CAPN8: variants seen among roughly 807,000 people sequenced by gnomAD.
The protein encoded by CAPN8 is calpain 8, also known as calpain-8.
A neutral mutation model predicts 80.9 loss-of-function variants in CAPN8; 87 were observed. That is an observed-to-expected ratio of 1.07 (90% CI 0.90 to 1.28). CAPN8 has a LOEUF of 1.28. Among genes scored for constraint, CAPN8 ranks in the 50% most tolerant of loss-of-function variants. The pLI, the probability that CAPN8 is intolerant of heterozygous loss-of-function variation, is 0.00. For missense variants in CAPN8, 757 were observed against 702.0 expected (o/e 1.08, Z -0.89); for synonymous variants, 299 against 273.8 (o/e 1.09, Z -0.91).
At chr1:223,548,857 G>A (rs540287670) in intron 16 of CAPN8, among the ~76,000 whole-genome samples, 7 of 149,516 alleles carry the variant, frequency 4.7e-5, no homozygotes, top group Non-Finnish European at 1.0e-4. Context: ...ACTATCAGTA[G>A]TAGCTGTCCA....
intron 2 of CAPN8, among the ~76,000 whole-genome samples, chr1:223,632,282 A>G (rs1258053996): frequency 6.6e-6 from 1 of 152,248 alleles, no homozygotes; most frequent in East Asian, 1.9e-4. Context: ...AGTCCTCTGG[A>G]AGATGGACAT....
chr1:223,620,750 T>C (rs1657362808), intron 7 of CAPN8, among the ~76,000 whole-genome samples: 1 of 152,126 alleles, frequency 6.6e-6, no homozygotes, highest in South Asian at 2.1e-4. Context: ...CATGGTTCAC[T>C]TCCTTACACC....
chr1:223,618,253 T>C (rs188467765), intron 9 of CAPN8: 36 of 1,550,628 alleles, frequency 2.3e-5, no homozygotes, highest in Non-Finnish European at 3.0e-5. Context: ...CATCAGGTGC[T>C]GCCTCAGCTG....
In CAPN8 at chr1:223,618,400, T is replaced by G. The variant is rs191460181; in HGVS notation, c.1135+893A>C. 5.6e-3 allele frequency: 7,609 copies of G among 1,369,390 alleles called. 42 individuals carry two copies. Among genetic ancestry groups the G allele is most frequent in the Non-Finnish European group, 6.5e-3 (6,422 of 991,318 alleles). 84.8% of individuals were successfully genotyped at this position (1,369,390 alleles called of 1,614,324 possible). The stretch of plus-strand genomic sequence containing the variant: ...TTGCACCATACTATCTCCACCAGGG[T>G]CTGAGTCCCCATGACACGCATGCCC... On this transcript the variant is annotated intron_variant, in intron 9 of 20. Coordinates refer to ENST00000366872, the MANE Select transcript of CAPN8 (RefSeq NM_001143962.2).
Position 223,622,727 on chromosome 1 carries a change from T to C in CAPN8, c.899+88A>G, listed in dbSNP as rs1016287154. On this transcript the variant is annotated intron_variant, in intron 7 of 20. Transcript: ENST00000366872. Reference sequence around the variant, plus strand: ...AGACAGGACGTGCTGCTGAACTCACTGTGACATCGATCTCATTGTTGTGTG... The same window carrying C: ...AGACAGGACGTGCTGCTGAACTCACCGTGACATCGATCTCATTGTTGTGTG... 4.0e-6 allele frequency: 4 copies of C among 997,384 alleles called. No homozygotes were observed. In the African/African-American group the frequency reaches 4.8e-5, roughly 12 times the overall value. 61.8% of individuals were successfully genotyped at this position (997,384 alleles called of 1,614,324 possible).
intron 1 of CAPN8, among the ~76,000 whole-genome samples, chr1:223,659,138 G>A (rs1658572617): frequency 6.6e-6 from 1 of 152,104 alleles, no homozygotes; most frequent in South Asian, 2.1e-4. Flanking sequence ...CTGATGACCA[G>A]GCCTAAGGAA....
intron 7 of CAPN8, chr1:223,622,599 AG>A (rs1657432417): frequency 1.8e-6 from 1 of 559,200 alleles, no homozygotes; most frequent in South Asian, 2.4e-5. Context: ...CAAATGCCAA[AG>A]CAGAAAGCCA....
At chr1:223,660,734 G>A (rs908765608) in intron 1 of CAPN8, among the ~76,000 whole-genome samples, 2 of 152,208 alleles carry the variant, frequency 1.3e-5, no homozygotes, top group Non-Finnish European at 1.5e-5. Flanking sequence ...CCAAAGGGCG[G>A]TAGAAATTAA....
chr1:223,647,151 T>A (rs1476055933), intron 2 of CAPN8, among the ~76,000 whole-genome samples: 1 of 152,160 alleles, frequency 6.6e-6, no homozygotes. Flanking sequence ...CAAAATTATC[T>A]TCTGGCAAAA....
intron 7 of CAPN8, among the ~76,000 whole-genome samples, chr1:223,622,395 A>C (rs1657425138): frequency 6.6e-6 from 1 of 152,122 alleles, no homozygotes; most frequent in African/African-American, 2.4e-5. Flanking sequence ...CCTAGGGTCA[A>C]ATTTCATTTT....
chr1:223,640,968 T>C (rs1054014282), intron 2 of CAPN8, among the ~76,000 whole-genome samples: 1 of 152,124 alleles, frequency 6.6e-6, no homozygotes, highest in Non-Finnish European at 1.5e-5. Context: ...TCTGCTTCAG[T>C]ACCACTGACC....
intron 2 of CAPN8, among the ~76,000 whole-genome samples, chr1:223,646,943 T>A (rs575047505): frequency 1.3e-5 from 2 of 152,250 alleles, no homozygotes; most frequent in Admixed American, 6.5e-5. Context: ...TAGGACTTGA[T>A]CTTCAGACCC....
At chr1:223,657,284 G>T (rs1658520913) in intron 1 of CAPN8, among the ~76,000 whole-genome samples, 1 of 151,956 alleles carries the variant, frequency 6.6e-6, no homozygotes, top group Admixed American at 6.6e-5. Context: ...CAGTCTCCAA[G>T]CAGTCATTTT....
chr1:223,625,732 C>T lies in CAPN8; in HGVS notation c.813+73G>A. 3 of 1,348,650 alleles carry T rather than the reference C, an allele frequency of 2.2e-6. No individual in the cohort carries two copies. The East Asian group carries it at 7.6e-5, about 34-fold the overall frequency. 83.5% of individuals were successfully genotyped at this position (1,348,650 alleles called of 1,614,324 possible). On this transcript the variant is annotated intron_variant, in intron 6 of 20. Transcript: ENST00000366872. ...CCTTCTAGTAGTAATCACCTCTTTC[C>T]TCCTGTCGAGATGGCTTGGATTCAT...
At position 223,628,092 on chromosome 1, in the gene CAPN8, G is replaced by A. The variant is rs757340598; in HGVS notation, c.477C>T (p.Pro159=). 6 of 1,551,250 alleles carry A rather than the reference G, an allele frequency of 3.9e-6. No homozygotes were observed. In the Admixed American group the frequency reaches 7.8e-5, roughly 20 times the overall value. ...WVEVVIDDRL[P]TKNGQLLFLH... ...GGAAGAGCAGCTGTCCATTCTTGGT[G>A]GGCAGCCTGTCGTCAATGACCACCT... Residue 159 remains proline (P), a synonymous_variant, in exon 4 of 21, where the codon CCC becomes CCT. Transcript: ENST00000366872.
At chr1:223,654,804 T>A (rs1658435077) in intron 1 of CAPN8, among the ~76,000 whole-genome samples, 1 of 151,724 alleles carries the variant, frequency 6.6e-6, no homozygotes, top group South Asian at 2.1e-4. Context: ...GCCTACCACA[T>A]AGCTGGGATT....
chr1:223,617,375 A>T (rs145621328), intron 9 of CAPN8: 2 of 148,942 alleles, frequency 1.3e-5, no homozygotes, highest in Non-Finnish European at 3.0e-5. Context: ...TGGATTTTAA[A>T]GCCGGATATC....
chr1:223,625,912 C>T (rs1657560955), intron 5 of CAPN8, 24 bp from the exon 6 acceptor site: 3 of 1,541,930 alleles, frequency 1.9e-6, no homozygotes, highest in Non-Finnish European at 2.6e-6. Flanking sequence ...AAAGTCCACT[C>T]AGTGGCTGAC....
At chr1:223,625,208 A>C (rs1657531797) in intron 6 of CAPN8, among the ~76,000 whole-genome samples, 1 of 152,220 alleles carries the variant, frequency 6.6e-6, no homozygotes. Context: ...CCCACCCTAA[A>C]AGCTGGGACT....
Sources: gnomAD v4.1 joint callset for allele counts (sites outside exome capture counted in the v4.1 genomes callset) on GRCh38, gnomAD v4.1.1 for gene constraint, MANE v1.5 for transcripts, NCBI Gene and HGNC (gene_info 2026-07-23, HGNC 2026-07-21) for gene names.